SCHIP1: variants seen among roughly 807,000 people sequenced by gnomAD.
The protein encoded by SCHIP1 is schwannomin-interacting protein 1.
SCHIP1 carries 8 observed loss-of-function variants against 29.7 expected under a neutral mutation model. The observed-to-expected ratio is 0.27, with a 90% CI of 0.16 to 0.49. The LOEUF (loss-of-function observed/expected upper bound fraction) is 0.49, where lower values mean the gene tolerates loss of function less well. SCHIP1 is among the 20% of genes least tolerant of loss of function. The probability of loss-of-function intolerance (pLI) is 0.99; values close to 1 mark genes in which losing one functional copy is unlikely to be tolerated. For missense variants in SCHIP1, 193 were observed against 294.6 expected, an observed-to-expected ratio of 0.66 and a Z score of 2.52; for synonymous variants, 76 against 94.9, an observed-to-expected ratio of 0.80 and a Z score of 1.16.
chr3:159,420,572 T>C, the SCHIP1 span, among the ~76,000 whole-genome samples: 7 of 152,260 alleles, frequency 4.6e-5, no homozygotes, highest in East Asian at 3.9e-4. Context: ...ATTTAGGCCA[T>C]TGAGAATAGG....
chr3:159,384,172 TC>T, the SCHIP1 span, among the ~76,000 whole-genome samples: 3 of 149,424 alleles, frequency 2.0e-5, no homozygotes, highest in East Asian at 2.0e-4. Flanking sequence ...AGAGAGGGCA[TC>T]CCTGTCTTGT....
the SCHIP1 span, among the ~76,000 whole-genome samples, chr3:159,361,133 C>G: frequency 6.6e-6 from 1 of 152,044 alleles, no homozygotes; most frequent in Non-Finnish European, 1.5e-5. Context: ...AATAATAAAC[C>G]ATAGACATAA....
At chr3:159,591,271 T>C in the SCHIP1 span, among the ~76,000 whole-genome samples, 1 of 152,210 alleles carries the variant, frequency 6.6e-6, no homozygotes, top group Admixed American at 6.5e-5. Flanking sequence ...TTCTCTTGCC[T>C]GATTGCCCTG....
chr3:159,857,137 T>C (rs2109163462), intron 1 of SCHIP1, among the ~76,000 whole-genome samples: 2 of 152,328 alleles, frequency 1.3e-5, no homozygotes, highest in African/African-American at 4.8e-5. Context: ...GTTATAAATA[T>C]AAAGCTTCCT....
chr3:159,362,353 G>A, the SCHIP1 span, among the ~76,000 whole-genome samples: 1 of 152,146 alleles, frequency 6.6e-6, no homozygotes, highest in African/African-American at 2.4e-5. Flanking sequence ...GAGGGAGAAG[G>A]CAGTCAGTGA....
At chr3:159,477,920 C>CTTTTTTTT in the SCHIP1 span, among the ~76,000 whole-genome samples, 2 of 98,300 alleles carry the variant, frequency 2.0e-5, no homozygotes, top group Non-Finnish European at 2.0e-5. Context: ...CATTTTAAAT[C>CTTTTTTTT]TTTTTTTTTT....
At chr3:159,344,371 C>T in the SCHIP1 span, among the ~76,000 whole-genome samples, 2 of 151,900 alleles carry the variant, frequency 1.3e-5, no homozygotes, top group Non-Finnish European at 2.9e-5. Flanking sequence ...ATACCATTCC[C>T]CAGTAAAGGA....
intron 2 of SCHIP1, among the ~76,000 whole-genome samples, chr3:159,883,378 G>A (rs889477651): frequency 1.3e-5 from 2 of 152,072 alleles, no homozygotes; most frequent in Non-Finnish European, 2.9e-5. Flanking sequence ...AGAGGCCCGG[G>A]GAACTGTGGT....
the SCHIP1 span, among the ~76,000 whole-genome samples, chr3:159,382,219 T>C: frequency 1.8e-4 from 3 of 16,678 alleles, no homozygotes; most frequent in Non-Finnish European, 3.2e-4. Context: ...TAACTCCTCA[T>C]TTAGCATTAG....
the SCHIP1 span, among the ~76,000 whole-genome samples, chr3:159,647,732 C>T: frequency 3.7e-3 from 569 of 152,288 alleles, 2 homozygotes; most frequent in South Asian, 0.02. Context: ...CATTTTCCTT[C>T]ATCTTGTCTA....
the SCHIP1 span, among the ~76,000 whole-genome samples, chr3:159,492,517 T>G: frequency 6.6e-6 from 1 of 151,756 alleles, no homozygotes; most frequent in African/African-American, 2.4e-5. Context: ...GAAGATGAAA[T>G]GAATGAAATG....
At chr3:159,838,656 C>T (rs528718600), upstream of SCHIP1, among the ~76,000 whole-genome samples, 6 of 151,950 alleles carry the variant, frequency 3.9e-5, no homozygotes, top group African/African-American at 4.8e-5. Flanking sequence ...TTTGGGAGGC[C>T]GAGGCAGGCG....
At chr3:159,841,983 T>A (rs1169011721) in intron 1 of SCHIP1, among the ~76,000 whole-genome samples, 1 of 152,152 alleles carries the variant, frequency 6.6e-6, no homozygotes, top group Non-Finnish European at 1.5e-5. Flanking sequence ...TGAAGCCAAA[T>A]CTTAATCCCA....
chr3:159,789,826 T>C, the SCHIP1 span, among the ~76,000 whole-genome samples: 1 of 152,206 alleles, frequency 6.6e-6, no homozygotes, highest in Admixed American at 6.5e-5. Context: ...ATGTGTAAAA[T>C]AGCAATGCCA....
chr3:159,627,595 A>G, the SCHIP1 span, among the ~76,000 whole-genome samples: 2 of 152,228 alleles, frequency 1.3e-5, no homozygotes, highest in East Asian at 1.9e-4. Flanking sequence ...TCTATCTGGC[A>G]TATTCTTCCC....
At chr3:159,556,896 A>G in the SCHIP1 span, among the ~76,000 whole-genome samples, 192 of 151,964 alleles carry the variant, frequency 1.3e-3, no homozygotes, top group African/African-American at 4.5e-3. Context: ...GTGCACATGC[A>G]CCCTAAAACT....
chr3:159,392,460 C>A, the SCHIP1 span, among the ~76,000 whole-genome samples: 6 of 144,862 alleles, frequency 4.1e-5, no homozygotes, highest in Non-Finnish European at 6.0e-5. Flanking sequence ...ATCCCTCCCC[C>A]CTCACCCCAC....
chr3:159,394,962 G>A, the SCHIP1 span, among the ~76,000 whole-genome samples: 2 of 152,156 alleles, frequency 1.3e-5, no homozygotes, highest in Non-Finnish European at 2.9e-5. Context: ...TTTTTGGTTG[G>A]TAAGCTATTG....
chr3:159,710,968 C>T, the SCHIP1 span, among the ~76,000 whole-genome samples: 100 of 152,208 alleles, frequency 6.6e-4, no homozygotes, highest in African/African-American at 1.9e-3. Context: ...TGACCTATTA[C>T]GTGATTATAA....
Sources: gnomAD v4.1 joint callset for allele counts (sites outside exome capture counted in the v4.1 genomes callset) on GRCh38, gnomAD v4.1.1 for gene constraint, MANE v1.5 for transcripts, NCBI Gene and HGNC (gene_info 2026-07-23, HGNC 2026-07-21) for gene names.